Variants in CTNNA2 observed in about 807,000 individuals in gnomAD.
CTNNA2 encodes catenin alpha-2.
Under a neutral mutation model 101.0 loss-of-function variants are expected in CTNNA2, and 42 were observed. The observed-to-expected ratio is 0.42, with a 90% confidence interval of 0.32 to 0.54. CTNNA2 has a LOEUF of 0.54. Ranked by LOEUF, CTNNA2 falls within the 20% of genes least tolerant of loss-of-function variation. The pLI is 0.14. For missense variants in CTNNA2, 871 were observed against 1,223.1 expected, an observed-to-expected ratio of 0.71 and a Z score of 4.29; for synonymous variants, 450 against 456.4, an observed-to-expected ratio of 0.99 and a Z score of 0.18.
At chr2:80,483,030 T>A (rs1414479487) in intron 9 of CTNNA2, among the ~76,000 whole-genome samples, 2 of 152,178 alleles carry the variant, frequency 1.3e-5, no homozygotes, top group Admixed American at 6.5e-5. Flanking sequence ...TCACTCCTTG[T>A]TCCTGAAAGC....
At chr2:80,106,140 G>T (rs1700875866) in intron 7 of CTNNA2, among the ~76,000 whole-genome samples, 1 of 152,178 alleles carries the variant, frequency 6.6e-6, no homozygotes. Context: ...TGTATGTAGA[G>T]GTGGCATATA....
chr2:79,305,219 C>G (rs913675624), intron 2 of CTNNA2, among the ~76,000 whole-genome samples: 15 of 151,294 alleles, frequency 9.9e-5, no homozygotes, highest in African/African-American at 2.9e-4. Context: ...ATAGGACACA[C>G]AAATATATAT....
At chr2:80,173,793 G>A (rs1435650668) in intron 7 of CTNNA2, among the ~76,000 whole-genome samples, 1 of 152,086 alleles carries the variant, frequency 6.6e-6, no homozygotes, top group Non-Finnish European at 1.5e-5. Flanking sequence ...ATACTGGACT[G>A]CAGACAGAGC....
intron 7 of CTNNA2, among the ~76,000 whole-genome samples, chr2:80,376,538 G>T (rs962496806): frequency 6.6e-6 from 1 of 151,946 alleles, no homozygotes; most frequent in Admixed American, 6.6e-5. Flanking sequence ...TTTTAGCAGG[G>T]AACTTCTGGA....
chr2:79,799,042 T>C (rs1175253608), intron 3 of CTNNA2, among the ~76,000 whole-genome samples: 2 of 152,172 alleles, frequency 1.3e-5, no homozygotes, highest in African/African-American at 4.8e-5. Flanking sequence ...TTGTTCTCTC[T>C]GGTGAGCCCC....
At chr2:79,619,493 A>G (rs1193009218) in intron 1 of CTNNA2, among the ~76,000 whole-genome samples, 3 of 152,126 alleles carry the variant, frequency 2.0e-5, no homozygotes, top group African/African-American at 7.2e-5. Flanking sequence ...TTATATTTCT[A>G]ATTTTATTAC....
chr2:79,303,257 C>T (rs898543429), intron 2 of CTNNA2, among the ~76,000 whole-genome samples: 1 of 152,176 alleles, frequency 6.6e-6, no homozygotes, highest in Non-Finnish European at 1.5e-5. Context: ...TGAAGTGGGG[C>T]CTTGTGAATG....
chr2:80,383,089 A>C (rs377312687), intron 7 of CTNNA2, among the ~76,000 whole-genome samples: 2 of 152,180 alleles, frequency 1.3e-5, no homozygotes, highest in African/African-American at 4.8e-5. Flanking sequence ...AGCTTTTAGC[A>C]ATCACCCAAG....
intron 7 of CTNNA2, among the ~76,000 whole-genome samples, chr2:80,112,513 T>C (rs1408459463): frequency 6.6e-6 from 1 of 152,198 alleles, no homozygotes; most frequent in Non-Finnish European, 1.5e-5. Flanking sequence ...ATTATCTTCA[T>C]CATCATAATT....
chr2:80,334,761 T>G (rs1342825382), intron 7 of CTNNA2, among the ~76,000 whole-genome samples: 2 of 152,236 alleles, frequency 1.3e-5, no homozygotes, highest in African/African-American at 2.4e-5. Context: ...ATAATTGAAT[T>G]GCAACTGATG....
chr2:80,377,976 G>A (rs1178695682), intron 7 of CTNNA2, among the ~76,000 whole-genome samples: 1 of 152,132 alleles, frequency 6.6e-6, no homozygotes, highest in Non-Finnish European at 1.5e-5. Flanking sequence ...ACTCCTTTTG[G>A]GGGCATTGTG....
intron 7 of CTNNA2, among the ~76,000 whole-genome samples, chr2:80,334,962 T>A (rs1451173467): frequency 6.6e-6 from 1 of 152,178 alleles, no homozygotes; most frequent in African/African-American, 2.4e-5. Context: ...ATAGAGTAGT[T>A]CCCAATAAGT....
rs775044854 is a variant in CTNNA2 at position 79,744,547 on chromosome 2, A to T, written c.263A>T (p.Glu88Val). The change falls in exon 3 of 19, where the codon GAG becomes GTG. Residue 88 changes from glutamate to valine, a missense_variant. Physicochemically the swap from Glu to Val is moderately radical, Grantham distance 121. This residue lies in a region of CTNNA2 where 647 missense variants were observed against 831.5 expected (regional missense o/e 0.78). Coordinates refer to ENST00000402739, the MANE Select transcript of CTNNA2 (RefSeq NM_001282597.3). The stretch of plus-strand genomic sequence containing the variant: ...AAGGAGAGTCAAGATCTCAAAGAAG[A>T]GTTGGTGGCTGCTGTAGAGGATGTG... ...IAKESQDLKEELVAAVEDVRK... is the reference protein window; with the variant it reads ...IAKESQDLKEVLVAAVEDVRK... 8.1e-6 allele frequency: 13 copies of T among 1,614,004 alleles called. No individual in the cohort carries two copies. The South Asian group carries it at 1.4e-4, about 18-fold the overall frequency.
At chr2:80,169,627 G>A (rs976570010) in intron 7 of CTNNA2, among the ~76,000 whole-genome samples, 5 of 152,048 alleles carry the variant, frequency 3.3e-5, no homozygotes, top group Admixed American at 2.0e-4. Flanking sequence ...AGGAGGTGTT[G>A]GCCTGATGGA....
Position 80,303,769 on chromosome 2 carries a change from G to C in CTNNA2, c.1057-89442G>C. 6.4e-7 allele frequency: 1 copy of C among 1,568,854 alleles called. No homozygotes were observed. Among genetic ancestry groups the C allele is most frequent in the Non-Finnish European group, 8.6e-7 (1 of 1,158,626 alleles). On this transcript the variant is annotated intron_variant, in intron 7 of 18. Coordinates refer to ENST00000402739, the MANE Select transcript of CTNNA2 (RefSeq NM_001282597.3). This position sits in a 1 kb window ranked among gnomAD's most constrained non-coding sequence, Gnocchi z 7.7. ...CCAGCAGACACAAGACCACCCCCGA[G>C]GGCCTCCTCAGCAGCCAGTATAGAC...
At chr2:79,699,932 T>C (rs888550638) in intron 2 of CTNNA2, among the ~76,000 whole-genome samples, 5 of 148,526 alleles carry the variant, frequency 3.4e-5, no homozygotes, top group African/African-American at 1.2e-4. Context: ...GTATATATAA[T>C]ATATTTACAT....
intron 7 of CTNNA2, among the ~76,000 whole-genome samples, chr2:80,255,668 C>T (rs902819886): frequency 6.6e-6 from 1 of 152,184 alleles, no homozygotes; most frequent in East Asian, 1.9e-4. Flanking sequence ...AAAGATCCCA[C>T]ATTTCCCTGA....
At chr2:80,396,390 G>GT (rs1678016540) in intron 8 of CTNNA2, among the ~76,000 whole-genome samples, 1 of 151,980 alleles carries the variant, frequency 6.6e-6, no homozygotes. Context: ...TTAAGCATTG[G>GT]GTTCTCATTT....
intron 9 of CTNNA2, among the ~76,000 whole-genome samples, chr2:80,426,100 C>G (rs978650232): frequency 6.6e-6 from 1 of 152,014 alleles, no homozygotes; most frequent in African/African-American, 2.4e-5. Context: ...TAGTAATTTC[C>G]TCTCATCTTC....
Sources: gnomAD v4.1 joint callset for allele counts (sites outside exome capture counted in the v4.1 genomes callset) on GRCh38, gnomAD v4.1.1 for gene constraint, gnomAD v4.1.1 regional missense constraint, Gnocchi (gnomAD v3.1) non-coding constraint, MANE v1.5 for transcripts, NCBI Gene and HGNC (gene_info 2026-07-23, HGNC 2026-07-21) for gene names.